Variants in USH2A observed in about 807,000 individuals in gnomAD.
USH2A encodes the protein Usher syndrome 2A (autosomal recessive, mild).
USH2A carries 443 observed loss-of-function variants against 538.9 expected under a neutral mutation model. That is an observed-to-expected ratio of 0.82 (90% CI 0.76 to 0.89). The LOEUF is 0.89. Ranked by LOEUF, USH2A falls within the 40% of genes least tolerant of loss-of-function variation. The pLI is 0.00. For synonymous variants in USH2A, 2,413 were observed against 2,273.5 expected, an observed-to-expected ratio of 1.06 and a Z score of -1.75; for missense variants, 6,633 against 6,324.8, an observed-to-expected ratio of 1.05 and a Z score of -1.65.
At chr1:215,966,881 G>T (rs1419662095) in intron 36 of USH2A, among the ~76,000 whole-genome samples, 1 of 152,020 alleles carries the variant, frequency 6.6e-6, no homozygotes, top group Non-Finnish European at 1.5e-5. Context: ...TCAAATATTT[G>T]GTTAATTCAA....
intron 26 of USH2A, 160 bp downstream of exon 26, chr1:216,083,296 G>A (rs2032011849): frequency 1.5e-6 from 1 of 680,388 alleles, no homozygotes; most frequent in African/African-American, 1.8e-5. Context: ...AATACAAAAT[G>A]TTTCACAGGA....
Position 216,073,153 on chromosome 1 carries a change from AG to A in USH2A, c.5719del (p.Leu1907TrpfsTer25). 1.9e-6 allele frequency: 3 copies of A among 1,613,974 alleles called. No homozygotes were observed. Among genetic ancestry groups the A allele is most frequent in the Non-Finnish European group, 2.5e-6 (3 of 1,179,978 alleles). ...AVNCRGNDSI[L>X]VYQGKEQSVY... Reference sequence around the variant, plus strand: ...ACTCTGCTCTTTTCCCTGGTAAACCAGGATGGAGTCATTTCCCCTGCAGTTA... The same window carrying A: ...ACTCTGCTCTTTTCCCTGGTAAACCAGATGGAGTCATTTCCCCTGCAGTTA... On this transcript the variant is annotated frameshift_variant, in exon 28 of 72. Coordinates refer to ENST00000307340, the MANE Select transcript of USH2A (RefSeq NM_206933.4). LOFTEE classifies it high-confidence loss of function.
rs200075564 is a variant in USH2A at position 216,422,188 on chromosome 1, G to C, written c.149C>G (p.Ser50Cys). Residue 50 changes from serine (S) to cysteine (C), a missense_variant, in exon 2 of 72, where the codon TCC becomes TGC. Transcript: ENST00000307340. ...LENVGAFKKV[S>C]IVPTQAVCGL... ...ACATACTGCTTGGGTTGGCACGATG[G>C]AAACTTTCTTGAAAGCTCCCACGTT... 1.2e-6 allele frequency: 2 copies of C among 1,612,782 alleles called. No homozygotes were observed. The highest frequency in any genetic ancestry group is 4.5e-5 in the East Asian group (2 of 44,834).
chr1:216,359,213 A>AT (rs1364327191), intron 4 of USH2A, among the ~76,000 whole-genome samples: 1 of 152,050 alleles, frequency 6.6e-6, no homozygotes, highest in African/African-American at 2.4e-5. Context: ...CGGTCTTCAT[A>AT]TTTTCTCTTT....
chr1:215,766,980 T>C (rs1661151653), intron 55 of USH2A, among the ~76,000 whole-genome samples, 192 bp from the exon 56 acceptor site: 1 of 152,162 alleles, frequency 6.6e-6, no homozygotes, highest in African/African-American at 2.4e-5. Flanking sequence ...TTATCACTGA[T>C]AAACTAATAA....
At chr1:215,758,877 T>C in intron 57 of USH2A, 125 bp from the exon 58 acceptor site, 1 of 1,038,136 alleles carries the variant, frequency 9.6e-7, no homozygotes, top group Admixed American at 2.1e-5. Context: ...CTTTGCCCCC[T>C]TTCCAGAAAC....
At chr1:215,974,782 C>T (rs1025728626) in intron 35 of USH2A, among the ~76,000 whole-genome samples, 4 of 152,040 alleles carry the variant, frequency 2.6e-5, no homozygotes, top group African/African-American at 7.2e-5. Flanking sequence ...GCTCTTGTGA[C>T]TAGTACTGTG....
chr1:216,262,531 A>T (rs1383292193), intron 11 of USH2A, among the ~76,000 whole-genome samples: 1 of 152,078 alleles, frequency 6.6e-6, no homozygotes, highest in Non-Finnish European at 1.5e-5. Context: ...GACAGAAAGA[A>T]AAAGAAAACA....
intron 61 of USH2A, among the ~76,000 whole-genome samples, chr1:215,717,658 T>C (rs895283814): frequency 2.0e-5 from 3 of 152,214 alleles, no homozygotes; most frequent in Admixed American, 1.3e-4. Context: ...AAGAGAAATA[T>C]GGTGAAAAAC....
intron 16 of USH2A, among the ~76,000 whole-genome samples, chr1:216,206,175 T>G (rs1478581339): frequency 6.6e-6 from 1 of 152,200 alleles, no homozygotes; most frequent in Admixed American, 6.5e-5. Context: ...TTGATACATT[T>G]TCTATAATAT....
intron 14 of USH2A, among the ~76,000 whole-genome samples, chr1:216,230,892 T>C (rs1190394057): frequency 6.7e-6 from 1 of 150,074 alleles, no homozygotes; most frequent in Non-Finnish European, 1.5e-5. Context: ...TCTCTCTCTC[T>C]CTCTCTCACA....
In USH2A at chr1:215,799,001, A is replaced by T. The variant is rs1662222736; in HGVS notation, c.9864T>A (p.Asp3288Glu). ...NQICCAGRLH[D>E]GHGQKCCGRQ... ...TGCCACAGCACTTCTGGCCATGGCC[A>T]TCATGAAGCCTCCCAGCACAGCAAA... is the stretch of plus-strand genomic sequence containing the variant. The change falls in exon 50 of 72, where the codon GAT becomes GAA. Residue 3288 changes from aspartate (D) to glutamate (E), a missense_variant. Physicochemically the swap from Asp to Glu is conservative, Grantham distance 45. Transcript: ENST00000307340. 6.2e-7 allele frequency: 1 copy of T among 1,614,130 alleles called. No individual in the cohort carries two copies. The highest frequency in any genetic ancestry group is 8.5e-7 in the Non-Finnish European group (1 of 1,180,004).
At chr1:215,917,196 G>T (rs1042189777) in intron 38 of USH2A, among the ~76,000 whole-genome samples, 3 of 151,918 alleles carry the variant, frequency 2.0e-5, no homozygotes, top group Non-Finnish European at 2.9e-5. Context: ...TCCTTACAGA[G>T]ACTTCCTACA....
rs779658505 is a variant in USH2A at position 215,674,862 on chromosome 1, G to T, written c.13049C>A (p.Thr4350Lys). ...TTCTGATGGAGCAGCCTCCAGAGTT[G>T]TGATGCTGGTGGGTTTGCTGGTGGA... is the stretch of plus-strand genomic sequence containing the variant. ...GCSTSKPTSI[T>K]TLEAAPSEVS... Residue 4350 changes from threonine (T) to lysine (K), a missense_variant, in exon 63 of 72, where the codon ACA becomes AAA. Physicochemically the swap from Thr to Lys is moderately conservative, Grantham distance 78. Transcript: ENST00000307340. 5 of 1,614,182 alleles carry T rather than the reference G, an allele frequency of 3.1e-6. No homozygotes were observed. The South Asian group carries it at 5.5e-5, about 18-fold the overall frequency.
At chr1:216,195,074 C>A (rs1389845078) in intron 19 of USH2A, among the ~76,000 whole-genome samples, 1 of 152,128 alleles carries the variant, frequency 6.6e-6, no homozygotes, top group East Asian at 1.9e-4. Flanking sequence ...CCCTAGCATG[C>A]TTTCAGGCTT....
intron 21 of USH2A, among the ~76,000 whole-genome samples, chr1:216,152,382 A>T (rs919054409): frequency 6.6e-6 from 1 of 152,018 alleles, no homozygotes; most frequent in Non-Finnish European, 1.5e-5. Context: ...GCCTTAACTT[A>T]TGACATTACC....
In USH2A at chr1:215,836,528, A is replaced by T. The variant is rs1389193456; in HGVS notation, c.9371+1463T>A. On this transcript the variant is annotated intron_variant, in intron 47 of 71. Transcript: ENST00000307340. ...ATATTATATATATATAATATATATTATATATATATATATAATATATATATA... is the reference window on the plus strand; with the variant it reads ...ATATTATATATATATAATATATATTTTATATATATATATAATATATATATA... Among the ~76,000 whole-genome samples, 13 of 22,878 alleles carry T rather than the reference A, an allele frequency of 5.7e-4. 1 individual carries two copies. Among genetic ancestry groups the T allele is most frequent in the Non-Finnish European group, 8.2e-4 (11 of 13,494 alleles). The allele number at this position is 22,878 out of a possible 152,430, so 15.0% of individuals were successfully genotyped here.
chr1:216,055,328 C>A (rs1180673616), intron 30 of USH2A, among the ~76,000 whole-genome samples: 1 of 152,148 alleles, frequency 6.6e-6, no homozygotes, highest in Non-Finnish European at 1.5e-5. Flanking sequence ...GGATGCCACA[C>A]AGGCAGAGCT....
chr1:215,651,708 T>C (rs1024292770), intron 64 of USH2A, among the ~76,000 whole-genome samples: 6 of 151,952 alleles, frequency 3.9e-5, no homozygotes, highest in Admixed American at 2.0e-4. Flanking sequence ...AGGAGATATT[T>C]GTGGGGGAAA....
Sources: gnomAD v4.1 joint callset for allele counts (sites outside exome capture counted in the v4.1 genomes callset) on GRCh38, gnomAD v4.1.1 for gene constraint, MANE v1.5 for transcripts, NCBI Gene and HGNC (gene_info 2026-07-23, HGNC 2026-07-21) for gene names.